Variants in ZNF710 observed in about 807,000 individuals in gnomAD.
ZNF710 encodes the protein zinc finger protein 710.
In ZNF710, 13 loss-of-function variants were observed where a neutral mutation model predicts 50.6. The ratio of observed to expected loss-of-function variants is 0.26; its 90% confidence interval spans 0.17 to 0.41. The LOEUF is 0.41. ZNF710 is among the 10% of genes least tolerant of loss of function. The pLI is 1.00. For missense variants in ZNF710, 721 were observed against 936.6 expected (o/e 0.77, Z 3.01); for synonymous variants, 383 against 397.0 (o/e 0.96, Z 0.42).
chr15:90,067,595 G>A lies in ZNF710; in HGVS notation c.458G>A (p.Ser153Asn), dbSNP rs1247598226. Residue 153 changes from serine (S) to asparagine (N), a missense_variant, in exon 2 of 5, where the codon AGC becomes AAC. Transcript: ENST00000268154. The surrounding 1 kb of genome is among the most constrained non-coding windows in gnomAD (Gnocchi z 8.1). ...ASGGCDALVQ[S>N]SAVKMIDLSA... ...GGCGGCTGCGACGCCCTGGTGCAGA[G>A]CAGCGCCGTCAAGATGATCGACCTC... 3.7e-6 allele frequency: 6 copies of A among 1,610,276 alleles called. No individual in the cohort carries two copies. The highest frequency in any genetic ancestry group is 5.1e-6 in the Non-Finnish European group (6 of 1,178,526).
intron 1 of ZNF710, among the ~76,000 whole-genome samples, chr15:90,017,320 G>A (rs973051683): frequency 1.3e-5 from 2 of 152,186 alleles, no homozygotes; most frequent in Non-Finnish European, 2.9e-5. Context: ...CCTCCTTGCT[G>A]ATGAGAAATG....
intron 1 of ZNF710, among the ~76,000 whole-genome samples, chr15:90,041,964 C>T (rs555329500): frequency 2.1e-3 from 293 of 140,580 alleles, no homozygotes; most frequent in African/African-American, 7.5e-3. Context: ...GTGGCATGAT[C>T]TCAGCTCACT....
intron 1 of ZNF710, among the ~76,000 whole-genome samples, chr15:90,031,874 GT>G (rs1471392326): frequency 6.6e-6 from 1 of 152,194 alleles, no homozygotes; most frequent in African/African-American, 2.4e-5. Flanking sequence ...GCTATGAACT[GT>G]TACAGTGGCT....
intron 1 of ZNF710, among the ~76,000 whole-genome samples, chr15:90,036,757 G>A (rs1899139988): frequency 6.6e-6 from 1 of 152,136 alleles, no homozygotes; most frequent in African/African-American, 2.4e-5. Context: ...GGAACCAGAA[G>A]GGTCTTCAGC....
upstream of ZNF710, among the ~76,000 whole-genome samples, chr15:90,000,179 C>T (rs1051959497): frequency 6.6e-6 from 1 of 152,262 alleles, no homozygotes; most frequent in Non-Finnish European, 1.5e-5. Flanking sequence ...CCCACTCCTC[C>T]GGAGAACCCG....
At chr15:90,010,886 C>T (rs545562516) in intron 1 of ZNF710, among the ~76,000 whole-genome samples, 2 of 150,876 alleles carry the variant, frequency 1.3e-5, no homozygotes, top group South Asian at 2.1e-4. Context: ...GAGTAGTTGG[C>T]CTTGAATTTG....
At chr15:90,017,613 G>T (rs112545139) in intron 1 of ZNF710, among the ~76,000 whole-genome samples, 151 of 151,990 alleles carry the variant, frequency 9.9e-4, no homozygotes, top group Non-Finnish European at 1.9e-3. Flanking sequence ...TCACTATACT[G>T]CTTGGCATCT....
At position 90,074,110 on chromosome 15, in the gene ZNF710, T is replaced by C. The variant is rs779286349; in HGVS notation, c.1651-6T>C. ...AGGCTCAGGACACCGGGTTGATGTG[T>C]TCTAGGTGTGCGGGAAGTCCTTCAA... On this transcript the variant is annotated splice_region_variant and splice_polypyrimidine_tract_variant and intron_variant, in intron 3 of 4. Transcript: ENST00000268154. 6.2e-7 allele frequency: 1 copy of C among 1,612,380 alleles called. No homozygotes were observed. The highest frequency in any genetic ancestry group is 8.5e-7 in the Non-Finnish European group (1 of 1,179,426).
chr15:90,020,982 T>C (rs1463525760), intron 1 of ZNF710, among the ~76,000 whole-genome samples: 2 of 149,720 alleles, frequency 1.3e-5, no homozygotes, highest in African/African-American at 5.0e-5. Flanking sequence ...GTGGGCAACT[T>C]TGGAGTCCTG....
intron 3 of ZNF710, among the ~76,000 whole-genome samples, chr15:90,073,633 T>A (rs1037759029): frequency 6.6e-6 from 1 of 151,986 alleles, no homozygotes; most frequent in East Asian, 1.9e-4. Context: ...ATGGCTTGTG[T>A]CCCTGTCTCT....
intron 1 of ZNF710, among the ~76,000 whole-genome samples, chr15:90,058,711 A>G (rs1274895724): frequency 1.0e-4 from 15 of 146,216 alleles, no homozygotes; most frequent in African/African-American, 3.6e-4. Flanking sequence ...TTATATATAT[A>G]TATATATACA....
At chr15:90,055,842 C>T (rs537627776) in intron 1 of ZNF710, among the ~76,000 whole-genome samples, 1 of 152,336 alleles carries the variant, frequency 6.6e-6, no homozygotes, top group Admixed American at 6.5e-5. Context: ...TCCACAGGCA[C>T]GGTGGCCCAC....
chr15:90,028,144 T>C (rs1464903743), intron 1 of ZNF710, among the ~76,000 whole-genome samples: 2 of 152,118 alleles, frequency 1.3e-5, no homozygotes, highest in African/African-American at 2.4e-5. Flanking sequence ...TTGAGAAAAA[T>C]TGAAAGTATA....
chr15:90,051,090 T>A (rs1899628993), intron 1 of ZNF710, among the ~76,000 whole-genome samples: 1 of 151,718 alleles, frequency 6.6e-6, no homozygotes, highest in African/African-American at 2.4e-5. Context: ...AATACAAAAA[T>A]TAGCCGGGTG....
chr15:90,057,567 C>T (rs185256158), intron 1 of ZNF710, among the ~76,000 whole-genome samples: 16 of 152,014 alleles, frequency 1.1e-4, no homozygotes, highest in East Asian at 3.9e-4. Context: ...CGTGGTGGCG[C>T]GCTCCTGTAG....
chr15:90,039,151 CG>C (rs775307051), intron 1 of ZNF710, among the ~76,000 whole-genome samples: 49 of 152,118 alleles, frequency 3.2e-4, no homozygotes, highest in East Asian at 2.1e-3. Context: ...TGGTGGCAGG[CG>C]CCTGTAACCC....
chr15:90,031,848 C>A (rs562784463), intron 1 of ZNF710, among the ~76,000 whole-genome samples: 1 of 152,320 alleles, frequency 6.6e-6, no homozygotes, highest in Admixed American at 6.5e-5. Context: ...AGTGTTGTTA[C>A]GGCCAGCTTG....
intron 1 of ZNF710, among the ~76,000 whole-genome samples, chr15:90,048,999 G>GT: frequency 6.6e-6 from 1 of 152,300 alleles, no homozygotes; most frequent in East Asian, 1.9e-4. Context: ...CTTTTTCCAA[G>GT]TGTTCGTCCT....
intron 2 of ZNF710, among the ~76,000 whole-genome samples, chr15:90,071,451 A>C (rs922661112): frequency 1.2e-4 from 19 of 152,160 alleles, no homozygotes; most frequent in African/African-American, 4.6e-4. Flanking sequence ...CACATCTGCG[A>C]TGTGTCAGGA....
Sources: allele counts gnomAD v4.1 joint callset (sites outside exome capture counted in the v4.1 genomes callset), GRCh38; gene constraint gnomAD v4.1.1; non-coding constraint Gnocchi (gnomAD v3.1); transcripts MANE v1.5; gene names NCBI Gene and HGNC (gene_info 2026-07-23, HGNC 2026-07-21).